Variants in MYH11 observed in about 807,000 individuals in gnomAD.
MYH11 encodes myosin-11.
MYH11 carries 80 observed loss-of-function variants against 246.6 expected under a neutral mutation model. That is an observed-to-expected ratio of 0.32 (90% confidence interval 0.27 to 0.39). The LOEUF is 0.39. Among genes scored for constraint, MYH11 ranks in the 10% least tolerant of loss-of-function variants. The pLI, the probability that MYH11 is intolerant of heterozygous loss-of-function variation, is 1.00. For missense variants in MYH11, 2,158 were observed against 2,546.8 expected (o/e 0.85, Z 3.29); for synonymous variants, 1,071 against 1,015.5 (o/e 1.05, Z -1.04).
rs536153803 is a variant in MYH11 at position 15,721,528 on chromosome 16, G to T, written c.4472C>A (p.Ala1491Asp). The T allele has an allele frequency of 6.2e-7, 1 of 1,614,164 alleles. No homozygotes were observed. Among genetic ancestry groups the T allele is most frequent in the South Asian group, 1.1e-5 (1 of 91,086 alleles). Residue 1491 changes from alanine to aspartate, a missense_variant, in exon 32 of 41, where the codon GCC becomes GAC. Transcript: ENST00000300036. ...TTTGGCTTCCAAGGCCTCTTCAAGGGCCCGAGCCAGGGACAGGGCCTTGGT... is the reference window on the plus strand; with the variant it reads ...TTTGGCTTCCAAGGCCTCTTCAAGGTCCCGAGCCAGGGACAGGGCCTTGGT... ...KETKALSLAR[A>D]LEEALEAKEE...
chr16:15,717,485 G>A, intron 37 of MYH11, 137 bp from the exon 38 acceptor site: 1 of 848,110 alleles, frequency 1.2e-6, no homozygotes, highest in Non-Finnish European at 1.9e-6. Context: ...CCTTCATCCT[G>A]TAAAACTCCA....
In MYH11 at chr16:15,798,631, A is replaced by C. The variant is rs1210004958; in HGVS notation, c.530+29T>G. The C allele has an allele frequency of 8.9e-6, 14 of 1,576,056 alleles. 1 individual carries two copies. The South Asian group carries it at 1.6e-4, about 18-fold the overall frequency. On this transcript the variant is annotated intron_variant, in intron 4 of 40. Coordinates refer to ENST00000300036, the MANE Select transcript of MYH11 (RefSeq NM_002474.3). ...ATTAAAAAAAAAAAAAAACAAAAAA[A>C]AAACAGAAGAAAAAGCAGTTCCACT... is the stretch of plus-strand genomic sequence containing the variant.
At chr16:15,721,165 A>T in intron 32 of MYH11, 114 bp from the exon 33 acceptor site, 2 of 1,193,350 alleles carry the variant, frequency 1.7e-6, no homozygotes, top group Non-Finnish European at 2.4e-6. Flanking sequence ...GGCCTCCCAC[A>T]GGATGCATGG....
intron 9 of MYH11, among the ~76,000 whole-genome samples, chr16:15,764,698 TC>T (rs2041943273): frequency 6.6e-6 from 1 of 152,208 alleles, no homozygotes; most frequent in Non-Finnish European, 1.5e-5. Flanking sequence ...GGTGGCATTG[TC>T]TTATTTAAAA....
At position 15,714,953 on chromosome 16, in the gene MYH11, G is replaced by C. The variant is rs146391904; in HGVS notation, c.5742C>G (p.Asn1914Lys). 1.2e-6 allele frequency: 2 copies of C among 1,614,100 alleles called. No homozygotes were observed. The highest frequency in any genetic ancestry group is 1.7e-6 in the Non-Finnish European group (2 of 1,180,044). ...QRELDEATESNEAMGREVNAL... is the reference protein window; with the variant it reads ...QRELDEATESKEAMGREVNAL... ...CGTTCACCTCGCGGCCCATGGCCTC[G>C]TTGCTCTCCGTGGCCTCATCCAGCT... is the stretch of plus-strand genomic sequence containing the variant. The change falls in exon 40 of 41, where the codon AAC becomes AAG. Residue 1914 changes from asparagine to lysine, a missense_variant. Around this residue, in one of 11 missense-constraint regions of MYH11, gnomAD observed 1,013 missense variants for 993.5 expected, o/e 1.02. Coordinates refer to ENST00000300036, the MANE Select transcript of MYH11 (RefSeq NM_002474.3).
chr16:15,741,591 C>T lies in MYH11; in HGVS notation c.2731G>A (p.Val911Met), dbSNP rs761426006. The change falls in exon 22 of 41, where the codon GTG becomes ATG. Residue 911 changes from valine (V) to methionine (M), a missense_variant. This residue lies in a region of MYH11 where 284 missense variants were observed against 315.4 expected (regional missense o/e 0.90). Transcript: ENST00000300036. ...ELYAEAEEMR[V>M]RLAAKKQELE... is the part of the protein sequence containing the mutation. ...TCCTGCTTCTTGGCCGCCAGCCGCA[C>T]CCGCATCTCCTCAGCCTCTGCATAC... 13 of 1,612,634 alleles carry T rather than the reference C, an allele frequency of 8.1e-6. No individual in the cohort carries two copies. The highest frequency in any genetic ancestry group is 1.1e-5 in the Non-Finnish European group (13 of 1,180,038).
intron 3 of MYH11, among the ~76,000 whole-genome samples, chr16:15,804,841 T>C (rs979946014): frequency 6.6e-6 from 1 of 152,250 alleles, no homozygotes; most frequent in African/African-American, 2.4e-5. Context: ...CCAGACTTTA[T>C]GCCTATTTGT....
At chr16:15,824,038 G>C (rs2043490312) in intron 2 of MYH11, among the ~76,000 whole-genome samples, 1 of 152,166 alleles carries the variant, frequency 6.6e-6, no homozygotes, top group Non-Finnish European at 1.5e-5. Context: ...CGTTCATTGA[G>C]CACTTACTAT....
At chr16:15,818,554 C>T (rs1375387726) in intron 3 of MYH11, among the ~76,000 whole-genome samples, 1 of 151,672 alleles carries the variant, frequency 6.6e-6, no homozygotes, top group East Asian at 1.9e-4. Context: ...TGCCTCAGCA[C>T]CCCCTGAGTA....
Position 15,724,128 on chromosome 16 carries a change from T to A in MYH11, c.4365+33A>T, listed in dbSNP as rs200767884. The A allele has an allele frequency of 1.4e-5, 22 of 1,611,598 alleles. No homozygotes were observed. The African/African-American group carries it at 2.4e-4, about 18-fold the overall frequency. ...AGCTGATTCCCCAACCCAGCGTCCA[T>A]GGCCAGAGTGGGGGACACCCCACGC... On this transcript the variant is annotated intron_variant, in intron 31 of 40. Transcript: ENST00000300036.
chr16:15,756,729 CATA>C (rs1412831137), intron 13 of MYH11, among the ~76,000 whole-genome samples: 3 of 151,184 alleles, frequency 2.0e-5, no homozygotes, highest in Non-Finnish European at 2.9e-5. Context: ...GAAGGCAGAA[CATA>C]ATGTTTGCTG....
At chr16:15,784,423 T>C (rs924595505) in intron 5 of MYH11, among the ~76,000 whole-genome samples, 9 of 152,124 alleles carry the variant, frequency 5.9e-5, no homozygotes, top group African/African-American at 2.2e-4. Flanking sequence ...CAGGGGTTCA[T>C]TCTGAACCGG....
chr16:15,724,226 C>T lies in MYH11; in HGVS notation c.4300G>A (p.Val1434Ile). 1 of 1,614,186 alleles carries T rather than the reference C, an allele frequency of 6.2e-7. No homozygotes were observed. The highest frequency in any genetic ancestry group is 8.5e-7 in the Non-Finnish European group (1 of 1,180,048). Residue 1434 changes from valine to isoleucine, a missense_variant, in exon 31 of 41, where the codon GTT (valine) becomes ATT (isoleucine). Physicochemically the swap from Val to Ile is conservative, Grantham distance 29. Coordinates refer to ENST00000300036, the MANE Select transcript of MYH11 (RefSeq NM_002474.3). Reference sequence around the variant, plus strand: ...AGTTGCCGCTGGTTGTCCAAATCAACAACCAGGTCGTCCAGCTCCTGCTGA... The same window carrying T: ...AGTTGCCGCTGGTTGTCCAAATCAATAACCAGGTCGTCCAGCTCCTGCTGA... The part of the protein sequence containing the change: ...RLQQELDDLV[V>I]DLDNQRQLVS...
At chr16:15,854,999 G>C (rs2044425934) in intron 1 of MYH11, among the ~76,000 whole-genome samples, 1 of 152,182 alleles carries the variant, frequency 6.6e-6, no homozygotes, top group African/African-American at 2.4e-5. Context: ...TGCGGTGCAA[G>C]GCTGGGTAAC....
At position 15,720,835 on chromosome 16, in the gene MYH11, G is replaced by A. The variant is rs142108062; in HGVS notation, c.4791+4C>T. ...CCTCTGCTGGCCTCCCCGGCAGCAC[G>A]CACCTGTCTCTGCAGTTGCCTCCTC... On this transcript the variant is annotated splice_donor_region_variant and intron_variant, in intron 33 of 40. Coordinates refer to ENST00000300036, the MANE Select transcript of MYH11 (RefSeq NM_002474.3). 1.5e-3 allele frequency: 2,391 copies of A among 1,613,128 alleles called. 15 individuals carry two copies. In the African/African-American group the frequency reaches 0.021, roughly 14 times the overall value.
intron 8 of MYH11, among the ~76,000 whole-genome samples, chr16:15,772,417 A>G (rs1596813340): frequency 6.6e-6 from 1 of 152,088 alleles, no homozygotes; most frequent in African/African-American, 2.4e-5. Flanking sequence ...TAAAATTTTT[A>G]TCAAATTCAA....
intron 3 of MYH11, among the ~76,000 whole-genome samples, chr16:15,813,266 C>G (rs568720041): frequency 6.6e-6 from 1 of 152,018 alleles, no homozygotes; most frequent in Non-Finnish European, 1.5e-5. Flanking sequence ...GGCAGGATTG[C>G]TGAACCCAGG....
intron 40 of MYH11, 119 bp downstream of exon 40, chr16:15,714,790 C>T (rs1197644314): frequency 3.1e-6 from 4 of 1,284,704 alleles, no homozygotes; most frequent in African/African-American, 1.5e-5. Context: ...AGGAATAAAC[C>T]ACAGAAGGGA....
At chr16:15,826,729 C>T (rs748823133) in intron 2 of MYH11, among the ~76,000 whole-genome samples, 1 of 152,092 alleles carries the variant, frequency 6.6e-6, no homozygotes, top group Non-Finnish European at 1.5e-5. Flanking sequence ...CAGTGGTTCA[C>T]ACCTATGATC....
Sources: gnomAD v4.1 joint callset for allele counts (sites outside exome capture counted in the v4.1 genomes callset) on GRCh38, gnomAD v4.1.1 for gene constraint, gnomAD v4.1.1 regional missense constraint, MANE v1.5 for transcripts, NCBI Gene and HGNC (gene_info 2026-07-23, HGNC 2026-07-21) for gene names.